Variants in VWA1 observed in about 807,000 individuals in gnomAD.
VWA1 encodes the protein von Willebrand factor A domain-containing protein 1.
VWA1 carries 12 observed loss-of-function variants against 14.9 expected under a neutral mutation model. That is an observed-to-expected ratio of 0.80 (90% confidence interval 0.52 to 1.30). The LOEUF (loss-of-function observed/expected upper bound fraction) is 1.30. VWA1 is among the 50% of genes most tolerant of loss of function. The pLI is 0.00. For missense variants in VWA1, 800 were observed against 649.1 expected, an observed-to-expected ratio of 1.23 and a Z score of -2.53; for synonymous variants, 368 against 310.7, an observed-to-expected ratio of 1.18 and a Z score of -1.94.
rs1467795945 is a variant in VWA1, at chr1:1,442,833, C to T, written c.*3046C>T. On this transcript the variant is annotated 3_prime_UTR_variant, in exon 3 of 3. Coordinates refer to ENST00000476993, the MANE Select transcript of VWA1 (RefSeq NM_022834.5). ...CTGGGAGCCACCTAGGGAAGCAGGT[C>T]GCCTGTTTCTATAGTGACGGTAATA... The T allele has an allele frequency of 7.5e-5, 1 of 13,340 alleles. No homozygotes were observed. The highest frequency in any genetic ancestry group is 8.7e-4 in the Admixed American group (1 of 1,154). The allele number at this position is 13,340 out of a possible 1,614,324, so 0.8% of individuals were successfully genotyped here.
At chr1:1,436,863 T>A (rs757813079) in intron 1 of VWA1, 64 bp from the exon 2 acceptor site, 15 of 1,503,450 alleles carry the variant, frequency 1.0e-5, no homozygotes, top group Non-Finnish European at 1.2e-5. Context: ...TGGGGGACCC[T>A]GCCTTGCTGT....
At chr1:1,439,009 T>C (rs1570124464) in intron 2 of VWA1, 72 bp from the exon 3 acceptor site, 1 of 1,500,444 alleles carries the variant, frequency 6.7e-7, no homozygotes, top group Non-Finnish European at 8.8e-7. Flanking sequence ...ATCTTCCCCA[T>C]CAGCCAGGGC....
Position 1,439,697 on chromosome 1 carries a change from C to A in VWA1, c.1248C>A (p.Ser416=), listed in dbSNP as rs928620853. 8.0e-7 allele frequency: 1 copy of A among 1,250,024 alleles called. No individual in the cohort carries two copies. The highest frequency in any genetic ancestry group is 1.0e-6 in the Non-Finnish European group (1 of 987,512). 77.4% of individuals were successfully genotyped at this position (1,250,024 alleles called of 1,614,324 possible). A position where few individuals can be genotyped will look rare whatever the true frequency, so the allele number is the denominator to read the frequency against. The stretch of plus-strand genomic sequence containing the variant: ...GCTCGGGCCGCGAGAGCGCGCTGTC[C>A]GCCAAGGCCTGCACGCCCGACGGCC... ...AFRSGRESAL[S]AKACTPDGPR... is the part of the protein sequence containing the mutation. The change falls in exon 3 of 3, where the codon TCC becomes TCA. Residue 416 remains serine (S), a synonymous_variant. Transcript: ENST00000476993.
rs149123284 is a variant in VWA1 at position 1,439,169 on chromosome 1, G to T, written c.720G>T (p.Ser240=). 1 of 1,604,650 alleles carries T rather than the reference G, an allele frequency of 6.2e-7. No individual in the cohort carries two copies. Among genetic ancestry groups the T allele is most frequent in the Non-Finnish European group, 8.5e-7 (1 of 1,179,366 alleles). ...GGCCACCCCTGCTGACCGCAGACTC[G>T]GGCTACTATGTGCTGGAGCTGGTGC... ...LAWPPLLTAD[S]GYYVLELVPS... The change falls in exon 3 of 3, where the codon TCG becomes TCT. Residue 240 remains serine, a synonymous_variant. Transcript: ENST00000476993.
Position 1,437,193 on chromosome 1 carries a change from G to A in VWA1, c.340G>A (p.Gly114Ser). The part of the protein sequence containing the change: ...SAQRMGDTHT[G>S]LALVYAKEQL... The stretch of plus-strand genomic sequence containing the variant: ...CCAGCGCATGGGTGACACCCACACT[G>A]GCCTGGCGCTGGTCTATGCCAAGGA... Residue 114 changes from glycine to serine, a missense_variant, in exon 2 of 3, where the codon GGC becomes AGC. Gly to Ser is a moderately conservative substitution (Grantham distance 56). Coordinates refer to ENST00000476993, the MANE Select transcript of VWA1 (RefSeq NM_022834.5). 6.2e-7 allele frequency: 1 copy of A among 1,611,820 alleles called. No homozygotes were observed. Among genetic ancestry groups the A allele is most frequent in the Non-Finnish European group, 8.5e-7 (1 of 1,179,622 alleles).
chr1:1,439,703 G>A lies in VWA1; in HGVS notation c.1254G>A (p.Lys418=). 1 of 1,222,424 alleles carries A rather than the reference G, an allele frequency of 8.2e-7. No individual in the cohort carries two copies. The allele number at this position is 1,222,424 out of a possible 1,614,324, so 75.7% of individuals were successfully genotyped here. A position where few individuals can be genotyped will look rare whatever the true frequency, so the allele number is the denominator to read the frequency against. Reference sequence around the variant, plus strand: ...GCCGCGAGAGCGCGCTGTCCGCCAAGGCCTGCACGCCCGACGGCCCGCGCC... The same window carrying A: ...GCCGCGAGAGCGCGCTGTCCGCCAAAGCCTGCACGCCCGACGGCCCGCGCC... The part of the protein sequence containing the change: ...RSGRESALSA[K]ACTPDGPRPR... The change falls in exon 3 of 3, where the codon AAG becomes AAA. Residue 418 remains lysine (K), a synonymous_variant. Transcript: ENST00000476993.
chr1:1,440,076 C>A lies in VWA1; in HGVS notation c.*289C>A. The A allele has an allele frequency of 5.4e-6, 1 of 186,250 alleles. No homozygotes were observed. Among genetic ancestry groups the A allele is most frequent in the Non-Finnish European group, 1.2e-5 (1 of 84,222 alleles). The allele number at this position is 186,250 out of a possible 1,614,324, so 11.5% of individuals were successfully genotyped here. ...TGGGTGATAATTGAGAGCGTCAGAC[C>A]CAGGACTGTTCAGGGAGGAGCCCCG... On this transcript the variant is annotated 3_prime_UTR_variant, in exon 3 of 3. Coordinates refer to ENST00000476993, the MANE Select transcript of VWA1 (RefSeq NM_022834.5).
In VWA1 at chr1:1,439,228, A is replaced by G; in HGVS notation, c.779A>G (p.Gln260Arg). The change falls in exon 3 of 3, where the codon CAG becomes CGG. Residue 260 changes from glutamine to arginine, a missense_variant. Coordinates refer to ENST00000476993, the MANE Select transcript of VWA1 (RefSeq NM_022834.5). The part of the protein sequence containing the change: ...SAQPGAARRQ[Q>R]LPGNATDWIW... ...CAGCCGGGGGCTGCAAGACGCCAGC[A>G]GCTGCCAGGGAACGCCACGGACTGG... is the stretch of plus-strand genomic sequence containing the variant. The G allele has an allele frequency of 6.2e-7, 1 of 1,607,694 alleles. No homozygotes were observed. The highest frequency in any genetic ancestry group is 8.5e-7 in the Non-Finnish European group (1 of 1,179,092).
Position 1,437,158 on chromosome 1 carries a change from G to C in VWA1, c.305G>C (p.Arg102Pro), listed in dbSNP as rs781395675. ...SSGEAAQDAV[R>P]ASAQRMGDTH... Reference sequence around the variant, plus strand: ...GGTGAGGCTGCCCAGGATGCGGTGCGTGCTTCTGCCCAGCGCATGGGTGAC... The same window carrying C: ...GGTGAGGCTGCCCAGGATGCGGTGCCTGCTTCTGCCCAGCGCATGGGTGAC... Residue 102 changes from arginine (R) to proline (P), a missense_variant, in exon 2 of 3, where the codon CGT becomes CCT. By Grantham distance (103) the Arg-to-Pro change is moderately radical (BLOSUM62 -2). Transcript: ENST00000476993. The C allele has an allele frequency of 2.5e-6, 4 of 1,609,448 alleles. No individual in the cohort carries two copies. The highest frequency in any genetic ancestry group is 3.4e-6 in the Non-Finnish European group (4 of 1,177,752).
In VWA1 at chr1:1,437,410, C is replaced by T; in HGVS notation, c.557C>T (p.Ala186Val). 1 of 1,612,772 alleles carries T rather than the reference C, an allele frequency of 6.2e-7. No homozygotes were observed. Among genetic ancestry groups the T allele is most frequent in the Non-Finnish European group, 8.5e-7 (1 of 1,179,988 alleles). Residue 186 changes from alanine (A) to valine (V), a missense_variant, in exon 2 of 3, where the codon GCC becomes GTC. Physicochemically the swap from Ala to Val is moderately conservative, Grantham distance 64. Coordinates refer to ENST00000476993, the MANE Select transcript of VWA1 (RefSeq NM_022834.5). ...CTGTCAGCCGCTGCCTCAGCCCCTGCCGAGAAGCACCTGCACTTTGTGGAC... is the reference window on the plus strand; with the variant it reads ...CTGTCAGCCGCTGCCTCAGCCCCTGTCGAGAAGCACCTGCACTTTGTGGAC... Reference protein sequence around the residue: ...LELSAAASAPAEKHLHFVDVD... With the variant: ...LELSAAASAPVEKHLHFVDVD...
intron 1 of VWA1, 121 bp from the exon 2 acceptor site, chr1:1,436,806 G>A: frequency 9.7e-7 from 1 of 1,034,642 alleles, no homozygotes; most frequent in African/African-American, 1.6e-5. Context: ...CCCCAACCTA[G>A]GACCTTTGGG....
At chr1:1,437,634 G>A in intron 2 of VWA1, 150 bp downstream of exon 2, 3 of 1,031,824 alleles carry the variant, frequency 2.9e-6, no homozygotes, top group African/African-American at 1.6e-5. Flanking sequence ...GCTGAGTGAT[G>A]CAGCTTGTCT....
chr1:1,435,725 A>C lies in VWA1; in HGVS notation c.-24A>C. The C allele has an allele frequency of 8.4e-7, 1 of 1,197,526 alleles. No homozygotes were observed. The highest frequency in any genetic ancestry group is 1.0e-6 in the Non-Finnish European group (1 of 959,586). The allele number at this position is 1,197,526 out of a possible 1,614,324, so 74.2% of individuals were successfully genotyped here. A position where few individuals can be genotyped will look rare whatever the true frequency, so the allele number is the denominator to read the frequency against. On this transcript the variant is annotated 5_prime_UTR_variant, in exon 1 of 3. Transcript: ENST00000476993. ...GAGCGAGCGAGCGAGCGAGTTGCCGAGCGCGCCCCGTCCCTCGCGCGCGAT... is the reference window on the plus strand; with the variant it reads ...GAGCGAGCGAGCGAGCGAGTTGCCGCGCGCGCCCCGTCCCTCGCGCGCGAT...
intron 1 of VWA1, among the ~76,000 whole-genome samples, chr1:1,436,249 G>A (rs1343275113): frequency 6.6e-6 from 1 of 152,230 alleles, no homozygotes; most frequent in Admixed American, 6.5e-5. Flanking sequence ...TTGGTGGGGA[G>A]GGGCGGTGTA....
Position 1,435,745 on chromosome 1 carries a change from C to A in VWA1, c.-4C>A. On this transcript the variant is annotated 5_prime_UTR_variant, in exon 1 of 3. Coordinates refer to ENST00000476993, the MANE Select transcript of VWA1 (RefSeq NM_022834.5). Reference sequence around the variant, plus strand: ...TGCCGAGCGCGCCCCGTCCCTCGCGCGCGATGCTCCCCTGGACGGCGCTCG... The same window carrying A: ...TGCCGAGCGCGCCCCGTCCCTCGCGAGCGATGCTCCCCTGGACGGCGCTCG... 8.3e-7 allele frequency: 1 copy of A among 1,209,478 alleles called. No homozygotes were observed. Among genetic ancestry groups the A allele is most frequent in the South Asian group, 2.2e-5 (1 of 45,902 alleles). 74.9% of individuals were successfully genotyped at this position (1,209,478 alleles called of 1,614,324 possible). A position where few individuals can be genotyped will look rare whatever the true frequency, so the allele number is the denominator to read the frequency against.
chr1:1,438,640 G>A (rs1284748359), intron 2 of VWA1, among the ~76,000 whole-genome samples: 1 of 152,142 alleles, frequency 6.6e-6, no homozygotes, highest in Non-Finnish European at 1.5e-5. Flanking sequence ...CCCAGGGCCT[G>A]CCCCTGTGGT....
At position 1,439,533 on chromosome 1, in the gene VWA1, C is replaced by T. The variant is rs1038177637; in HGVS notation, c.1084C>T (p.Leu362Phe). 3 of 1,360,452 alleles carry T rather than the reference C, an allele frequency of 2.2e-6. No homozygotes were observed. Among genetic ancestry groups the T allele is most frequent in the Non-Finnish European group, 2.8e-6 (3 of 1,060,080 alleles). The allele number at this position is 1,360,452 out of a possible 1,614,324, so 84.3% of individuals were successfully genotyped here. A position where few individuals can be genotyped will look rare whatever the true frequency, so the allele number is the denominator to read the frequency against. The change falls in exon 3 of 3, where the codon CTC becomes TTC. Residue 362 changes from leucine to phenylalanine, a missense_variant. Coordinates refer to ENST00000476993, the MANE Select transcript of VWA1 (RefSeq NM_022834.5). ...WAPALGSAAALGYHVQFGPLR... is the reference protein window; with the variant it reads ...WAPALGSAAAFGYHVQFGPLR... ...CCCAGCGCTGGGCTCAGCCGCGGCG[C>T]TCGGCTACCACGTGCAGTTCGGGCC... is the stretch of plus-strand genomic sequence containing the variant.
At position 1,437,191 on chromosome 1, in the gene VWA1, C is replaced by A. The variant is rs1003767552; in HGVS notation, c.338C>A (p.Thr113Asn). 6.2e-7 allele frequency: 1 copy of A among 1,611,686 alleles called. No homozygotes were observed. The highest frequency in any genetic ancestry group is 1.3e-5 in the African/African-American group (1 of 74,938). ...ASAQRMGDTH[T>N]GLALVYAKEQ... ...GCCCAGCGCATGGGTGACACCCACACTGGCCTGGCGCTGGTCTATGCCAAG... is the reference window on the plus strand; with the variant it reads ...GCCCAGCGCATGGGTGACACCCACAATGGCCTGGCGCTGGTCTATGCCAAG... Residue 113 changes from threonine to asparagine, a missense_variant, in exon 2 of 3, where the codon ACT (threonine) becomes AAT (asparagine). Transcript: ENST00000476993.
intron 1 of VWA1, among the ~76,000 whole-genome samples, chr1:1,436,463 C>T (rs1023491677): frequency 2.0e-5 from 3 of 152,218 alleles, no homozygotes; most frequent in Non-Finnish European, 4.4e-5. Context: ...TGCTGTGCCT[C>T]CGACACCTTC....
Sources: allele counts gnomAD v4.1 joint callset (sites outside exome capture counted in the v4.1 genomes callset), GRCh38; gene constraint gnomAD v4.1.1; transcripts MANE v1.5; gene names NCBI Gene and HGNC (gene_info 2026-07-23, HGNC 2026-07-21).